The following WWOX variants were observed in gnomAD, a reference collection of about 807,000 sequenced individuals.
WWOX encodes WW domain containing oxidoreductase, also known as WW domain-containing oxidoreductase.
A neutral mutation model predicts 46.2 loss-of-function variants in WWOX; 69 were observed. The ratio of observed to expected loss-of-function variants is 1.49; its 90% confidence interval spans 1.23 to 1.82. WWOX has a LOEUF of 1.82. Among genes scored for constraint, WWOX ranks in the 40% most tolerant of loss-of-function variants. The pLI, the probability that WWOX is intolerant of heterozygous loss-of-function variation, is 0.00. For missense variants in WWOX, 919 were observed against 542.6 expected, an observed-to-expected ratio of 1.69 and a Z score of -6.89; for synonymous variants, 359 against 202.6, an observed-to-expected ratio of 1.77 and a Z score of -6.56.
At chr16:78,198,191 T>G (rs1030328453) in intron 5 of WWOX, among the ~76,000 whole-genome samples, 5 of 152,126 alleles carry the variant, frequency 3.3e-5, no homozygotes, top group Admixed American at 6.5e-5. Flanking sequence ...GCTTGTCTGG[T>G]CATGCAGCTA....
At chr16:78,871,170 GT>G (rs1567616454) in intron 8 of WWOX, among the ~76,000 whole-genome samples, 1 of 142,162 alleles carries the variant, frequency 7.0e-6, no homozygotes, top group Non-Finnish European at 1.5e-5. Flanking sequence ...TTTCGTGAAG[GT>G]TGTTTTTTTT....
chr16:79,015,143 G>A (rs2047387325), intron 8 of WWOX, among the ~76,000 whole-genome samples: 1 of 152,200 alleles, frequency 6.6e-6, no homozygotes. Flanking sequence ...TTGCCATTGG[G>A]TTGGAGTACT....
intron 8 of WWOX, among the ~76,000 whole-genome samples, chr16:78,781,731 C>T (rs1004488718): frequency 6.6e-6 from 1 of 152,088 alleles, no homozygotes; most frequent in Non-Finnish European, 1.5e-5. Context: ...GCTGAGATGG[C>T]ACCCCTGCAC....
At chr16:78,990,268 G>T (rs1251139866) in intron 8 of WWOX, among the ~76,000 whole-genome samples, 1 of 151,592 alleles carries the variant, frequency 6.6e-6, no homozygotes, top group African/African-American at 2.4e-5. Context: ...CCCATGCTTT[G>T]TAATTGCTGC....
intron 8 of WWOX, among the ~76,000 whole-genome samples, chr16:78,573,481 A>C (rs539296453): frequency 2.0e-5 from 3 of 152,174 alleles, no homozygotes; most frequent in African/African-American, 7.2e-5. Context: ...ATTCCATTCT[A>C]TATGTCAGAT....
At chr16:78,120,238 G>A (rs2033020954) in intron 4 of WWOX, among the ~76,000 whole-genome samples, 1 of 152,088 alleles carries the variant, frequency 6.6e-6, no homozygotes, top group Non-Finnish European at 1.5e-5. Flanking sequence ...CAAGGTATTG[G>A]TCACTCCTCA....
Position 78,997,244 on chromosome 16 carries a change from G to A in WWOX, c.1057-214364G>A, listed in dbSNP as rs140204262. 3.5e-4 allele frequency among the ~76,000 whole-genome samples: 54 copies of A among 152,192 alleles called. No homozygotes were observed. The South Asian group carries it at 8.3e-3, about 23-fold the overall frequency. On this transcript the variant is annotated intron_variant, in intron 8 of 8. Transcript: ENST00000566780. ...AAACTGAAATAAAATTTTAAGTGAT[G>A]CCAAAATAAGCAGTCCCAGCAAGAC...
chr16:79,181,809 C>G (rs1023104809), intron 8 of WWOX, among the ~76,000 whole-genome samples: 5 of 152,192 alleles, frequency 3.3e-5, no homozygotes, highest in Non-Finnish European at 5.9e-5. Context: ...AATCCCACTG[C>G]AGGTTTAGGC....
At position 78,432,763 on chromosome 16, in the gene WWOX, A is replaced by C; in HGVS notation, c.1056+11A>C. 6.2e-7 allele frequency: 1 copy of C among 1,614,110 alleles called. No individual in the cohort carries two copies. The highest frequency in any genetic ancestry group is 8.5e-7 in the Non-Finnish European group (1 of 1,180,014). On this transcript the variant is annotated intron_variant, in intron 8 of 8. Coordinates refer to ENST00000566780, the MANE Select transcript of WWOX (RefSeq NM_016373.4). ...TTCACCAAGTCCATGGTAAGAGAAC[A>C]GCTTCTGGCGCCGCAAACACCTTGG...
intron 8 of WWOX, among the ~76,000 whole-genome samples, chr16:79,026,243 C>T (rs2047638778): frequency 6.6e-6 from 1 of 151,798 alleles, no homozygotes; most frequent in African/African-American, 2.4e-5. Flanking sequence ...CTTCCCTTCT[C>T]TGTGCTTTAG....
intron 8 of WWOX, among the ~76,000 whole-genome samples, chr16:78,806,326 C>G (rs371791872): frequency 7.2e-5 from 11 of 152,136 alleles, no homozygotes; most frequent in Admixed American, 3.3e-4. Flanking sequence ...TAAAGTTTGA[C>G]TATATTCCAG....
chr16:79,033,236 G>T (rs986582434), intron 8 of WWOX, among the ~76,000 whole-genome samples: 1 of 146,634 alleles, frequency 6.8e-6, no homozygotes, highest in Non-Finnish European at 1.5e-5. Flanking sequence ...GTAAAACAAA[G>T]TCTATAAAAA....
intron 4 of WWOX, among the ~76,000 whole-genome samples, chr16:78,143,458 A>G (rs2034057673): frequency 1.3e-5 from 2 of 152,156 alleles, no homozygotes; most frequent in African/African-American, 2.4e-5. Context: ...CCCGAGGCCC[A>G]CTTTTGTAAA....
chr16:78,405,430 G>C (rs764613980), intron 6 of WWOX, among the ~76,000 whole-genome samples: 1 of 152,140 alleles, frequency 6.6e-6, no homozygotes, highest in Non-Finnish European at 1.5e-5. Flanking sequence ...ACATGTGACG[G>C]TCCTTTCAAA....
At chr16:78,751,970 C>T (rs1376748743) in intron 8 of WWOX, among the ~76,000 whole-genome samples, 3 of 151,204 alleles carry the variant, frequency 2.0e-5, no homozygotes, top group African/African-American at 7.3e-5. Context: ...AGTGGGCTGC[C>T]ACAATACTTC....
chr16:78,223,799 C>T (rs890474413), intron 5 of WWOX, among the ~76,000 whole-genome samples: 4 of 152,074 alleles, frequency 2.6e-5, no homozygotes, highest in East Asian at 3.9e-4. Flanking sequence ...GGCGTAATGG[C>T]GGAGTTTCCA....
intron 8 of WWOX, among the ~76,000 whole-genome samples, chr16:78,585,884 C>T (rs1421311336): frequency 6.6e-6 from 1 of 151,948 alleles, no homozygotes; most frequent in African/African-American, 2.4e-5. Context: ...CTCTTCCAAG[C>T]TGCGCATCTT....
At chr16:78,915,898 A>T (rs1028172752) in intron 8 of WWOX, among the ~76,000 whole-genome samples, 8 of 152,202 alleles carry the variant, frequency 5.3e-5, no homozygotes, top group Non-Finnish European at 2.9e-5. Flanking sequence ...AGAAGCCTGA[A>T]TTTTAATTTG....
intron 8 of WWOX, among the ~76,000 whole-genome samples, chr16:78,631,382 C>G (rs1166127968): frequency 6.6e-6 from 1 of 152,130 alleles, no homozygotes; most frequent in Non-Finnish European, 1.5e-5. Flanking sequence ...AAACAGAACT[C>G]AAACTGACGA....
Sources: allele counts gnomAD v4.1 joint callset (sites outside exome capture counted in the v4.1 genomes callset), GRCh38; gene constraint gnomAD v4.1.1; transcripts MANE v1.5; gene names NCBI Gene and HGNC (gene_info 2026-07-23, HGNC 2026-07-21).